The following RELN variants were observed in gnomAD, a reference collection of about 807,000 sequenced individuals.
The protein encoded by RELN is reelin.
A neutral mutation model predicts 427.6 loss-of-function variants in RELN; 108 were observed. The ratio of observed to expected loss-of-function variants is 0.25; its 90% CI spans 0.22 to 0.30. The LOEUF is 0.30. Among genes scored for constraint, RELN ranks in the 10% least tolerant of loss-of-function variants. The probability of loss-of-function intolerance (pLI) is 1.00; values close to 1 mark genes in which losing one functional copy is unlikely to be tolerated. For synonymous variants in RELN, 1,524 were observed against 1,513.4 expected (o/e 1.01, Z -0.16); for missense variants, 3,715 against 4,302.8 (o/e 0.86, Z 3.82).
intron 3 of RELN, among the ~76,000 whole-genome samples, chr7:103,794,677 G>A (rs2116284925): frequency 6.6e-6 from 1 of 152,310 alleles, no homozygotes; most frequent in Non-Finnish European, 1.5e-5. Flanking sequence ...TGAACAGGCA[G>A]AGCTTCTCAA....
chr7:103,679,749 C>CT (rs1457466528), intron 11 of RELN, among the ~76,000 whole-genome samples: 2 of 151,646 alleles, frequency 1.3e-5, no homozygotes, highest in African/African-American at 4.8e-5. Flanking sequence ...CAAAAATTCT[C>CT]TTATATTATT....
At chr7:103,682,632 C>T (rs1833680062) in intron 10 of RELN, among the ~76,000 whole-genome samples, 1 of 152,198 alleles carries the variant, frequency 6.6e-6, no homozygotes, top group South Asian at 2.1e-4. Context: ...GGCTAAATAG[C>T]ATTGACCTTT....
chr7:103,660,544 G>A (rs1046556859), intron 12 of RELN, among the ~76,000 whole-genome samples: 3 of 152,122 alleles, frequency 2.0e-5, no homozygotes, highest in African/African-American at 7.2e-5. Context: ...GTGAAGTGAG[G>A]AATACAAGAG....
chr7:103,618,348 A>G (rs984970979), intron 20 of RELN, among the ~76,000 whole-genome samples: 1 of 151,520 alleles, frequency 6.6e-6, no homozygotes. Context: ...CTCTGATAGC[A>G]CCACCTGTTA....
intron 1 of RELN, among the ~76,000 whole-genome samples, chr7:103,961,350 C>T (rs1428132308): frequency 6.6e-6 from 1 of 152,138 alleles, no homozygotes; most frequent in African/African-American, 2.4e-5. Flanking sequence ...ACCTACAGAG[C>T]AAATAAACTG....
intron 4 of RELN, among the ~76,000 whole-genome samples, chr7:103,759,483 C>T (rs1791242196): frequency 6.6e-6 from 1 of 152,028 alleles, no homozygotes; most frequent in African/African-American, 2.4e-5. Flanking sequence ...CATACTGATG[C>T]TTTTTTGAAT....
chr7:103,662,450 T>C (rs1183417046), intron 11 of RELN, among the ~76,000 whole-genome samples: 5 of 151,828 alleles, frequency 3.3e-5, no homozygotes, highest in African/African-American at 1.2e-4. Context: ...TGAAACCCCA[T>C]CTCTACTAAA....
At chr7:103,889,209 T>C (rs1359120152) in intron 2 of RELN, among the ~76,000 whole-genome samples, 3 of 152,346 alleles carry the variant, frequency 2.0e-5, no homozygotes, top group South Asian at 4.1e-4. Context: ...AAACAATCTA[T>C]ACTTCATGCA....
At chr7:103,669,139 C>A (rs1165596243) in intron 11 of RELN, among the ~76,000 whole-genome samples, 1 of 151,954 alleles carries the variant, frequency 6.6e-6, no homozygotes, top group African/African-American at 2.4e-5. Flanking sequence ...TTTTTTCTCT[C>A]AATTAGGTTT....
chr7:103,590,802 A>C (rs2117242438), intron 27 of RELN, among the ~76,000 whole-genome samples: 1 of 152,210 alleles, frequency 6.6e-6, no homozygotes, highest in East Asian at 1.9e-4. Flanking sequence ...TTTCTTTTCT[A>C]TTTTCTCTTC....
chr7:103,927,052 C>G (rs1264297913), intron 1 of RELN, among the ~76,000 whole-genome samples: 1 of 152,118 alleles, frequency 6.6e-6, no homozygotes, highest in African/African-American at 2.4e-5. Context: ...ATAAAAAATT[C>G]ATTTAAATAT....
At position 103,808,954 on chromosome 7, in the gene RELN, T is replaced by G. The variant is rs180790219; in HGVS notation, c.473+24583A>C. ...TTGCAGATGGAAAGGCCCACTGAGT[T>G]TCAATGGTAAAAACAGAATCATAAA... On this transcript the variant is annotated intron_variant, in intron 3 of 64. Coordinates refer to ENST00000428762, the MANE Select transcript of RELN (RefSeq NM_005045.4). Among the ~76,000 whole-genome samples, 24 of 152,214 alleles carry G rather than the reference T, an allele frequency of 1.6e-4. No homozygotes were observed. The East Asian group carries it at 4.2e-3, about 27-fold the overall frequency.
Position 103,651,672 on chromosome 7 carries a change from T to C in RELN, c.1881A>G (p.Glu627=). 1 of 1,611,870 alleles carries C rather than the reference T, an allele frequency of 6.2e-7. No homozygotes were observed. The stretch of plus-strand genomic sequence containing the variant: ...GAGAATGTACTCACCCACTGTAGTT[T>C]TCAGAGGAGTAGACAGTGCTGTGGG... The part of the protein sequence containing the change: ...HLPHSTVYSS[E]NYSGWNRITI... The change falls in exon 15 of 65, where the codon GAA becomes GAG. Residue 627 remains glutamate (E), a synonymous_variant. Transcript: ENST00000428762.
intron 31 of RELN, among the ~76,000 whole-genome samples, chr7:103,570,498 C>T (rs1830857173): frequency 6.6e-6 from 1 of 152,166 alleles, no homozygotes; most frequent in South Asian, 2.1e-4. Context: ...TCTGTCTAGC[C>T]CTTACAATCT....
At chr7:103,946,823 C>CATG (rs1344424956) in intron 1 of RELN, among the ~76,000 whole-genome samples, 2 of 152,166 alleles carry the variant, frequency 1.3e-5, no homozygotes, top group Non-Finnish European at 2.9e-5. Context: ...AAAAAACACT[C>CATG]ATGATAAGCA....
chr7:103,923,463 G>GA (rs140169514), intron 1 of RELN, among the ~76,000 whole-genome samples: 18,578 of 150,234 alleles, frequency 0.12, 2,350 homozygotes, highest in African/African-American at 0.32. Flanking sequence ...CAACAGCAAA[G>GA]AAAAAAAAAT....
At chr7:103,760,964 C>A (rs1400106472) in intron 4 of RELN, among the ~76,000 whole-genome samples, 1 of 151,616 alleles carries the variant, frequency 6.6e-6, no homozygotes, top group Admixed American at 6.6e-5. Flanking sequence ...AATTAAGCTT[C>A]CAAAAATGTT....
chr7:103,816,912 C>T (rs1213325173), intron 3 of RELN, among the ~76,000 whole-genome samples: 4 of 151,968 alleles, frequency 2.6e-5, no homozygotes, highest in Admixed American at 6.6e-5. Flanking sequence ...AGTGCAATGA[C>T]GCGATCTTGG....
intron 1 of RELN, among the ~76,000 whole-genome samples, chr7:103,940,992 G>T (rs1563103000): frequency 6.6e-6 from 1 of 152,132 alleles, no homozygotes; most frequent in Non-Finnish European, 1.5e-5. Context: ...TAAAGGTCAA[G>T]AATGAATTGA....
Sources: gnomAD v4.1 joint callset for allele counts (sites outside exome capture counted in the v4.1 genomes callset) on GRCh38, gnomAD v4.1.1 for gene constraint, MANE v1.5 for transcripts, NCBI Gene and HGNC (gene_info 2026-07-23, HGNC 2026-07-21) for gene names.